HIBADH: variants seen among roughly 807,000 people sequenced by gnomAD.
HIBADH encodes the protein 3-hydroxyisobutyrate dehydrogenase, mitochondrial.
In HIBADH, 25 loss-of-function variants were observed where a neutral mutation model predicts 36.1. The ratio of observed to expected loss-of-function variants is 0.69; its 90% CI spans 0.50 to 0.97. HIBADH has a LOEUF of 0.97. Among genes scored for constraint, HIBADH ranks in the 50% least tolerant of loss-of-function variants. The pLI, the probability that HIBADH is intolerant of heterozygous loss-of-function variation, is 0.00. For synonymous variants in HIBADH, 160 were observed against 149.5 expected (o/e 1.07, Z -0.51); for missense variants, 421 against 418.0 (o/e 1.01, Z -0.06).
chr7:27,587,085 A>G (rs888541797), intron 4 of HIBADH, among the ~76,000 whole-genome samples: 3 of 152,276 alleles, frequency 2.0e-5, no homozygotes, highest in Middle Eastern at 3.4e-3. Flanking sequence ...TGCAAATTCA[A>G]TTACTCAAGT....
chr7:27,531,166 C>T (rs923951250), intron 7 of HIBADH, 26 bp downstream of exon 7: 4 of 1,597,956 alleles, frequency 2.5e-6, no homozygotes, highest in African/African-American at 2.7e-5. Flanking sequence ...TTTTCCTTCT[C>T]TCTTGGGTGT....
chr7:27,582,256 T>C lies in HIBADH; in HGVS notation c.485-39156A>G, dbSNP rs151014258. ...CTTCACTCATTTGGCAGCAAAACTT[T>C]ACCTGAACTGATTTAAGGCTATAGT... On this transcript the variant is annotated intron_variant, in intron 4 of 7. Transcript: ENST00000265395. Among the ~76,000 whole-genome samples the C allele has an allele frequency of 3.2e-3, 493 of 152,278 alleles. 6 individuals are homozygous for C. The highest frequency in any genetic ancestry group is 0.011 in the African/African-American group (464 of 41,586).
At chr7:27,654,275 A>G (rs1786253679) in intron 1 of HIBADH, among the ~76,000 whole-genome samples, 1 of 152,208 alleles carries the variant, frequency 6.6e-6, no homozygotes, top group Admixed American at 6.5e-5. Flanking sequence ...ATATGTAACT[A>G]GAGTCCTCAA....
intron 2 of HIBADH, among the ~76,000 whole-genome samples, chr7:27,645,318 G>A (rs1308120786): frequency 1.6e-5 from 2 of 125,664 alleles, no homozygotes; most frequent in South Asian, 5.2e-4. Flanking sequence ...CAAACACATT[G>A]TTATCTAACT....
chr7:27,617,944 G>GA (rs1032195881), intron 4 of HIBADH, among the ~76,000 whole-genome samples: 1 of 152,080 alleles, frequency 6.6e-6, no homozygotes, highest in African/African-American at 2.4e-5. Flanking sequence ...TACTCCCCAG[G>GA]AAAAAAATGG....
At chr7:27,662,314 G>A (rs1469232435) in intron 1 of HIBADH, among the ~76,000 whole-genome samples, 1 of 152,134 alleles carries the variant, frequency 6.6e-6, no homozygotes, top group Non-Finnish European at 1.5e-5. Flanking sequence ...TGAAAGACCA[G>A]GGGTCGCTGG....
At chr7:27,614,744 T>C (rs1435601333) in intron 4 of HIBADH, among the ~76,000 whole-genome samples, 1 of 152,192 alleles carries the variant, frequency 6.6e-6, no homozygotes, top group Non-Finnish European at 1.5e-5. Flanking sequence ...AACTAAAACA[T>C]GTTAAAGATA....
intron 4 of HIBADH, among the ~76,000 whole-genome samples, chr7:27,595,312 T>C (rs1321894749): frequency 6.6e-6 from 1 of 152,056 alleles, no homozygotes; most frequent in Admixed American, 6.6e-5. Flanking sequence ...AGGACAGGAG[T>C]TCGAGACCAG....
At chr7:27,607,249 A>G (rs765271229) in intron 4 of HIBADH, among the ~76,000 whole-genome samples, 3 of 75,580 alleles carry the variant, frequency 4.0e-5, no homozygotes, top group Non-Finnish European at 7.4e-5. Flanking sequence ...GCTCACACCT[A>G]TAATCCCGAC....
In HIBADH at chr7:27,645,379, T is replaced by G. The variant is rs1035601853; in HGVS notation, c.252+4094A>C. Among the ~76,000 whole-genome samples, 27 of 127,184 alleles carry G rather than the reference T, an allele frequency of 2.1e-4. 1 individual carries two copies. Among genetic ancestry groups the G allele is most frequent in the African/African-American group, 8.0e-4 (25 of 31,242 alleles). The allele number at this position is 127,184 out of a possible 152,430, so 83.4% of individuals were successfully genotyped here. A position where few individuals can be genotyped will look rare whatever the true frequency, so the allele number is the denominator to read the frequency against. On this transcript the variant is annotated intron_variant, in intron 2 of 7. Coordinates refer to ENST00000265395, the MANE Select transcript of HIBADH (RefSeq NM_152740.4). ...GTCTCATGGTTTTGATTTTTTTTTT[T>G]TTTTTTTTTTTTTTTTGAGACAGAG...
At chr7:27,561,934 T>C (rs1464653142) in intron 4 of HIBADH, among the ~76,000 whole-genome samples, 1 of 152,156 alleles carries the variant, frequency 6.6e-6, no homozygotes, top group Non-Finnish European at 1.5e-5. Context: ...TAAATCCATA[T>C]TTCTTTTGAT....
chr7:27,625,785 C>T (rs1396365407), intron 4 of HIBADH, among the ~76,000 whole-genome samples: 2 of 151,918 alleles, frequency 1.3e-5, no homozygotes, highest in Admixed American at 6.6e-5. Context: ...ATAAATATAG[C>T]GTGATGTGGG....
At chr7:27,551,749 T>C (rs534022603) in intron 4 of HIBADH, among the ~76,000 whole-genome samples, 3 of 152,292 alleles carry the variant, frequency 2.0e-5, no homozygotes, top group East Asian at 3.9e-4. Context: ...TGTAAAAACA[T>C]TGCCACCAAA....
In HIBADH at chr7:27,649,562, C is replaced by T. The variant is rs1368427573; in HGVS notation, c.163G>A (p.Ala55Thr). ...TAGCCATGTTTCATGAGATTTTTTG[C>T]CATTGGATTCCCCATGTTGCCCAGT... ...IGLGNMGNPM[A>T]KNLMKHGYPL... The change falls in exon 2 of 8, where the codon GCA becomes ACA. Residue 55 changes from alanine to threonine, a missense_variant. Transcript: ENST00000265395. The T allele has an allele frequency of 3.7e-6, 6 of 1,613,874 alleles. No individual in the cohort carries two copies. The South Asian group carries it at 4.4e-5, about 12-fold the overall frequency.
chr7:27,655,174 C>G (rs1272997615), intron 1 of HIBADH, among the ~76,000 whole-genome samples: 5 of 151,924 alleles, frequency 3.3e-5, no homozygotes, highest in Non-Finnish European at 7.4e-5. Context: ...AGTGATAGAT[C>G]AAATGTAAAG....
At chr7:27,656,445 C>T (rs978399236) in intron 1 of HIBADH, among the ~76,000 whole-genome samples, 1 of 151,432 alleles carries the variant, frequency 6.6e-6, no homozygotes, top group Middle Eastern at 3.2e-3. Context: ...TAAATCAACA[C>T]AATGAAATGT....
At chr7:27,641,060 G>C in intron 2 of HIBADH, among the ~76,000 whole-genome samples, 1 of 152,068 alleles carries the variant, frequency 6.6e-6, no homozygotes, top group African/African-American at 2.4e-5. Flanking sequence ...AGGGAGAGAG[G>C]AGCCTGATGG....
chr7:27,562,999 CCAT>C (rs1784489837), intron 4 of HIBADH, among the ~76,000 whole-genome samples: 1 of 152,162 alleles, frequency 6.6e-6, no homozygotes, highest in African/African-American at 2.4e-5. Context: ...CATTCAACCA[CCAT>C]CATCAGTGAG....
intron 3 of HIBADH, 106 bp downstream of exon 3, chr7:27,632,230 G>A: frequency 1.3e-6 from 1 of 755,542 alleles, no homozygotes; most frequent in Non-Finnish European, 2.2e-6. Flanking sequence ...AATAAAAACA[G>A]TATAGAAAGG....
Sources: gnomAD v4.1 joint callset for allele counts (sites outside exome capture counted in the v4.1 genomes callset) on GRCh38, gnomAD v4.1.1 for gene constraint, MANE v1.5 for transcripts, NCBI Gene and HGNC (gene_info 2026-07-23, HGNC 2026-07-21) for gene names.